FGD6: variants seen among roughly 807,000 people sequenced by gnomAD.
The protein encoded by FGD6 is FYVE, RhoGEF and PH domain-containing protein 6.
A neutral mutation model predicts 149.4 loss-of-function variants in FGD6; 90 were observed. The ratio of observed to expected loss-of-function variants is 0.60; its 90% CI spans 0.51 to 0.72. FGD6 has a LOEUF of 0.72. FGD6 is among the 30% of genes least tolerant of loss of function. The pLI is 0.00. For synonymous variants in FGD6, 527 were observed against 584.0 expected (o/e 0.90, Z 1.41); for missense variants, 1,437 against 1,684.8 (o/e 0.85, Z 2.57).
chr12:95,186,100 G>A (rs901565286), intron 2 of FGD6, among the ~76,000 whole-genome samples: 3 of 151,664 alleles, frequency 2.0e-5, no homozygotes, highest in Non-Finnish European at 2.9e-5. Context: ...TTGCATGAAT[G>A]TATTAACAAA....
intron 20 of FGD6, among the ~76,000 whole-genome samples, chr12:95,083,490 G>C (rs1456289386): frequency 6.6e-6 from 1 of 151,890 alleles, no homozygotes; most frequent in East Asian, 1.9e-4. Flanking sequence ...GACAATATTA[G>C]GGCAATTACT....
intron 5 of FGD6, among the ~76,000 whole-genome samples, chr12:95,149,273 C>CATAAT (rs1565908980): frequency 5.0e-5 from 1 of 20,156 alleles, no homozygotes; most frequent in Non-Finnish European, 8.6e-5. Flanking sequence ...TATTATATTA[C>CATAAT]ATATAGCATA....
chr12:95,090,181 G>T (rs1237060464), intron 17 of FGD6, among the ~76,000 whole-genome samples: 1 of 152,024 alleles, frequency 6.6e-6, no homozygotes, highest in Non-Finnish European at 1.5e-5. Context: ...GGAGTAAGTA[G>T]GAATTTGCCA....
At chr12:95,205,385 G>T (rs1199973505) in intron 2 of FGD6, among the ~76,000 whole-genome samples, 8 of 152,186 alleles carry the variant, frequency 5.3e-5, no homozygotes, top group African/African-American at 1.2e-4. Context: ...CCAGAATTTG[G>T]TTGGTCACAT....
intron 2 of FGD6, among the ~76,000 whole-genome samples, chr12:95,191,864 T>C (rs1368272510): frequency 6.6e-6 from 1 of 152,104 alleles, no homozygotes; most frequent in African/African-American, 2.4e-5. Flanking sequence ...GCCTCCCAAG[T>C]AGCTGGGATT....
intron 2 of FGD6, among the ~76,000 whole-genome samples, chr12:95,199,288 C>G (rs1881806590): frequency 6.6e-6 from 1 of 152,090 alleles, no homozygotes; most frequent in South Asian, 2.1e-4. Context: ...TATAATGATT[C>G]CTTTAGTTCT....
Position 95,208,832 on chromosome 12 carries a change from G to A in FGD6, c.2441+11C>T. ...TGATGCATGCAAAAGTGTCTGTCTG[G>A]CACCTGTTACCTGGAATGCTGATGT... On this transcript the variant is annotated intron_variant, in intron 2 of 20. Transcript: ENST00000343958. The A allele has an allele frequency of 6.2e-7, 1 of 1,605,570 alleles. No individual in the cohort carries two copies. The highest frequency in any genetic ancestry group is 8.5e-7 in the Non-Finnish European group (1 of 1,175,270).
Position 95,211,024 on chromosome 12 carries a change from G to A in FGD6, c.260C>T (p.Ala87Val). The stretch of plus-strand genomic sequence containing the variant: ...ACAATTAAAGTTGTCAGTGCTTTCA[G>A]CTAATTCCTGTTTATGCCCTTCCAG... ...LNLEGHKQEL[A>V]ESTDNFNCKY... is the part of the protein sequence containing the mutation. Residue 87 changes from alanine (A) to valine (V), a missense_variant, in exon 2 of 21, where the codon GCT becomes GTT. Transcript: ENST00000343958. 2 of 1,614,106 alleles carry A rather than the reference G, an allele frequency of 1.2e-6. No homozygotes were observed. Among genetic ancestry groups the A allele is most frequent in the Non-Finnish European group, 1.7e-6 (2 of 1,180,032 alleles).
chr12:95,129,546 G>A (rs553793028), intron 8 of FGD6, among the ~76,000 whole-genome samples: 1 of 152,290 alleles, frequency 6.6e-6, no homozygotes, highest in African/African-American at 2.4e-5. Context: ...AAGAAGATAA[G>A]TAAAAGTTAA....
At chr12:95,190,463 C>A (rs762787823) in intron 2 of FGD6, among the ~76,000 whole-genome samples, 1 of 152,140 alleles carries the variant, frequency 6.6e-6, no homozygotes, top group Admixed American at 6.6e-5. Context: ...AGCCACTGCA[C>A]CTGGCCAAGA....
At chr12:95,136,374 A>C (rs1291154363) in intron 7 of FGD6, among the ~76,000 whole-genome samples, 2 of 152,136 alleles carry the variant, frequency 1.3e-5, no homozygotes, top group African/African-American at 4.8e-5. Context: ...CAAAACAAAA[A>C]CAAAAACAAA....
At chr12:95,081,634 C>A in intron 20 of FGD6, 78 bp from the exon 21 acceptor site, 1 of 876,418 alleles carries the variant, frequency 1.1e-6, no homozygotes, top group South Asian at 2.0e-5. Context: ...GACAGCTGGG[C>A]CTGTGGTCCT....
intron 8 of FGD6, among the ~76,000 whole-genome samples, chr12:95,132,374 CA>C (rs1443151335): frequency 3.7e-4 from 57 of 152,210 alleles, no homozygotes; most frequent in Non-Finnish European, 1.8e-4. Context: ...CACACTTTCT[CA>C]ATAAAAAACA....
rs1342159662 is a variant in FGD6, at chr12:95,113,798, A to G, written c.3083-97T>C. 4.1e-6 allele frequency: 3 copies of G among 736,338 alleles called. No homozygotes were observed. In the South Asian group the frequency reaches 5.8e-5, roughly 14 times the overall value. 45.6% of individuals were successfully genotyped at this position (736,338 alleles called of 1,614,324 possible). A position where few individuals can be genotyped will look rare whatever the true frequency, so the allele number is the denominator to read the frequency against. On this transcript the variant is annotated intron_variant, in intron 8 of 20. Coordinates refer to ENST00000343958, the MANE Select transcript of FGD6 (RefSeq NM_018351.4). ...AATACTTCATTAGTCTTGCTGGTTA[A>G]TATACATGCTAGTCCAACTTGTGCT...
chr12:95,210,327 C>A lies in FGD6; in HGVS notation c.957G>T (p.Lys319Asn), dbSNP rs755725796. The stretch of plus-strand genomic sequence containing the variant: ...GGCGTAACAGACGAGCAGTTCGTGT[C>A]TTTCTGGGCTTGGGAGTTGGAAATT... ...TPKFPTPKPRKTRTARLLRQK... is the reference protein window; with the variant it reads ...TPKFPTPKPRNTRTARLLRQK... The change falls in exon 2 of 21, where the codon AAG becomes AAT. Residue 319 changes from lysine to asparagine, a missense_variant. Physicochemically the swap from Lys to Asn is moderately conservative, Grantham distance 94. Around this residue, in one of 2 missense-constraint regions of FGD6, gnomAD observed 1,055 missense variants for 1,146.0 expected, o/e 0.92. Coordinates refer to ENST00000343958, the MANE Select transcript of FGD6 (RefSeq NM_018351.4). 29 of 1,613,922 alleles carry A rather than the reference C, an allele frequency of 1.8e-5. No homozygotes were observed. The highest frequency in any genetic ancestry group is 2.3e-5 in the Non-Finnish European group (27 of 1,180,020).
intron 9 of FGD6, among the ~76,000 whole-genome samples, chr12:95,110,950 T>C (rs1006413449): frequency 1.3e-5 from 2 of 152,066 alleles, no homozygotes; most frequent in Admixed American, 1.3e-4. Flanking sequence ...TTGCCTCACC[T>C]TCCCTCACCC....
chr12:95,160,710 C>T (rs1450906153), intron 3 of FGD6, among the ~76,000 whole-genome samples: 2 of 152,142 alleles, frequency 1.3e-5, no homozygotes, highest in African/African-American at 4.8e-5. Context: ...TACTGACAAA[C>T]AACTTAGGAA....
intron 8 of FGD6, among the ~76,000 whole-genome samples, chr12:95,124,899 A>C (rs2136250738): frequency 6.6e-6 from 1 of 152,250 alleles, no homozygotes; most frequent in South Asian, 2.1e-4. Flanking sequence ...TCTCACCCCT[A>C]CTTCAAAATC....
intron 15 of FGD6, 120 bp from the exon 16 acceptor site, chr12:95,092,965 A>T (rs769936348): frequency 1.7e-6 from 2 of 1,166,222 alleles, no homozygotes; most frequent in African/African-American, 1.5e-5. Flanking sequence ...TCACGCCTGT[A>T]ATCCCAGCAT....
Sources: allele counts gnomAD v4.1 joint callset (sites outside exome capture counted in the v4.1 genomes callset), GRCh38; gene constraint gnomAD v4.1.1; regional missense constraint gnomAD v4.1.1; transcripts MANE v1.5; gene names NCBI Gene and HGNC (gene_info 2026-07-23, HGNC 2026-07-21).